The following CCSER1 variants were observed in gnomAD, a reference collection of about 807,000 sequenced individuals.
The protein encoded by CCSER1 is serine-rich coiled-coil domain-containing protein 1.
A neutral mutation model predicts 82.0 loss-of-function variants in CCSER1; 41 were observed. That is an observed-to-expected ratio of 0.50 (90% CI 0.39 to 0.65). The LOEUF (loss-of-function observed/expected upper bound fraction) is 0.65. Among genes scored for constraint, CCSER1 ranks in the 30% least tolerant of loss-of-function variants. The pLI is 0.00. For synonymous variants in CCSER1, 414 were observed against 383.9 expected, an observed-to-expected ratio of 1.08 and a Z score of -0.92; for missense variants, 1,119 against 1,064.2, an observed-to-expected ratio of 1.05 and a Z score of -0.72.
intron 5 of CCSER1, among the ~76,000 whole-genome samples, chr4:90,512,725 T>G (rs1219599532): frequency 6.6e-6 from 1 of 152,184 alleles, no homozygotes; most frequent in Admixed American, 6.5e-5. Flanking sequence ...ACATTTAGAA[T>G]AATTACTGAT....
chr4:90,751,278 T>A (rs1748613213), intron 7 of CCSER1, among the ~76,000 whole-genome samples: 1 of 152,258 alleles, frequency 6.6e-6, no homozygotes, highest in Non-Finnish European at 1.5e-5. Context: ...TACACAAAAT[T>A]TAGCTTTTCA....
intron 5 of CCSER1, among the ~76,000 whole-genome samples, chr4:90,564,874 G>A (rs1277950674): frequency 1.3e-5 from 2 of 151,858 alleles, no homozygotes; most frequent in Admixed American, 6.6e-5. Flanking sequence ...CTGTTCCATT[G>A]GACTATGTGT....
At chr4:91,305,492 T>C (rs939137146) in intron 10 of CCSER1, among the ~76,000 whole-genome samples, 1 of 152,058 alleles carries the variant, frequency 6.6e-6, no homozygotes, top group Admixed American at 6.6e-5. Context: ...CAACATTACA[T>C]AGGAAAGGCT....
intron 3 of CCSER1, among the ~76,000 whole-genome samples, chr4:90,396,134 C>T (rs533402610): frequency 2.6e-5 from 4 of 151,992 alleles, no homozygotes; most frequent in African/African-American, 9.7e-5. Context: ...ATTATTATTT[C>T]TTTATTATGT....
At chr4:90,272,276 A>T (rs1432353915) in intron 1 of CCSER1, among the ~76,000 whole-genome samples, 1 of 152,224 alleles carries the variant, frequency 6.6e-6, no homozygotes, top group African/African-American at 2.4e-5. Flanking sequence ...ATTTGTCAAG[A>T]CATGCAAATG....
At chr4:90,813,341 T>A (rs1758587234) in intron 7 of CCSER1, among the ~76,000 whole-genome samples, 1 of 152,230 alleles carries the variant, frequency 6.6e-6, no homozygotes, top group Admixed American at 6.5e-5. Context: ...ATCCAGGGAA[T>A]GCCGATGCAA....
intron 1 of CCSER1, among the ~76,000 whole-genome samples, chr4:90,251,329 T>G (rs1722343095): frequency 1.3e-5 from 2 of 151,896 alleles, no homozygotes; most frequent in South Asian, 2.1e-4. Context: ...GTGAAAGCAT[T>G]TGGATTTTTA....
intron 1 of CCSER1, among the ~76,000 whole-genome samples, chr4:90,283,870 G>A (rs1392673167): frequency 6.6e-6 from 1 of 152,028 alleles, no homozygotes; most frequent in African/African-American, 2.4e-5. Flanking sequence ...GGGTCACATG[G>A]TAGCTCTTTT....
chr4:90,230,187 C>T (rs1190533483), intron 1 of CCSER1, among the ~76,000 whole-genome samples: 1 of 152,166 alleles, frequency 6.6e-6, no homozygotes, highest in South Asian at 2.1e-4. Context: ...AGCACCACAC[C>T]ACACCTATTC....
At chr4:90,352,351 A>G (rs974696506) in intron 3 of CCSER1, among the ~76,000 whole-genome samples, 1 of 151,772 alleles carries the variant, frequency 6.6e-6, no homozygotes, top group East Asian at 1.9e-4. Context: ...AAAAAACAAA[A>G]CAAAACAAAT....
At chr4:90,188,960 T>C (rs1735129618) in intron 1 of CCSER1, among the ~76,000 whole-genome samples, 1 of 151,924 alleles carries the variant, frequency 6.6e-6, no homozygotes. Flanking sequence ...CTACACACAA[T>C]AAAGAGGACT....
chr4:90,335,068 C>T lies in CCSER1; in HGVS notation c.1509+22021C>T, dbSNP rs536696183. ...ATACTTATTGTATTGTAAGTAGCAGCGGGTTTTTGGTTTGGCTCCTGTGTG... is the reference window on the plus strand; with the variant it reads ...ATACTTATTGTATTGTAAGTAGCAGTGGGTTTTTGGTTTGGCTCCTGTGTG... On this transcript the variant is annotated intron_variant, in intron 3 of 10. Coordinates refer to ENST00000509176, the MANE Select transcript of CCSER1 (RefSeq NM_001145065.2). Among the ~76,000 whole-genome samples the T allele has an allele frequency of 3.3e-5, 5 of 152,186 alleles. No individual in the cohort carries two copies. The East Asian group carries it at 5.8e-4, about 18-fold the overall frequency.
chr4:90,430,166 C>A (rs1758078982), intron 4 of CCSER1, among the ~76,000 whole-genome samples: 1 of 151,862 alleles, frequency 6.6e-6, no homozygotes, highest in Non-Finnish European at 1.5e-5. Context: ...GATGACATTA[C>A]AGTTACAATT....
At chr4:91,350,852 TCAA>T (rs1386700103) in intron 10 of CCSER1, among the ~76,000 whole-genome samples, 1 of 152,010 alleles carries the variant, frequency 6.6e-6, no homozygotes, top group Non-Finnish European at 1.5e-5. Flanking sequence ...ATGGTTAATT[TCAA>T]CAACATCAAA....
In CCSER1 at chr4:91,264,696, G is replaced by T. The variant is rs148824018; in HGVS notation, c.2217+178702G>T. On this transcript the variant is annotated intron_variant, in intron 10 of 10. Transcript: ENST00000509176. The stretch of plus-strand genomic sequence containing the variant: ...TTTAAGTTTAAGGCATTCCATCCAA[G>T]TACTAACCAAGTCTGACCCTGCTTA... 3.6e-3 allele frequency among the ~76,000 whole-genome samples: 543 copies of T among 152,098 alleles called. 2 individuals carry two copies. Among genetic ancestry groups the T allele is most frequent in the African/African-American group, 0.012 (516 of 41,544 alleles).
intron 10 of CCSER1, among the ~76,000 whole-genome samples, chr4:91,179,827 G>A (rs1299740567): frequency 1.3e-5 from 2 of 152,246 alleles, no homozygotes; most frequent in Middle Eastern, 6.3e-3. Context: ...GTCATTCTCT[G>A]TCTAGCCTTG....
intron 10 of CCSER1, among the ~76,000 whole-genome samples, chr4:91,367,596 A>G (rs1421587336): frequency 6.6e-6 from 1 of 152,012 alleles, no homozygotes; most frequent in Admixed American, 6.6e-5. Context: ...ATGCCTAGTC[A>G]TAGTTTCTAT....
At chr4:91,160,984 A>G (rs910051265) in intron 10 of CCSER1, among the ~76,000 whole-genome samples, 9 of 152,072 alleles carry the variant, frequency 5.9e-5, no homozygotes, top group Admixed American at 3.9e-4. Flanking sequence ...TCCCATGCCT[A>G]TGTCTTGAAT....
chr4:90,753,208 T>A (rs1200073488), intron 7 of CCSER1, among the ~76,000 whole-genome samples: 2 of 152,066 alleles, frequency 1.3e-5, no homozygotes, highest in Non-Finnish European at 2.9e-5. Flanking sequence ...AAACTAATGG[T>A]GTAAGGATCC....
Sources: gnomAD v4.1 joint callset for allele counts (sites outside exome capture counted in the v4.1 genomes callset) on GRCh38, gnomAD v4.1.1 for gene constraint, MANE v1.5 for transcripts, NCBI Gene and HGNC (gene_info 2026-07-23, HGNC 2026-07-21) for gene names.